The following PKIB variants were observed in gnomAD, a reference collection of about 807,000 sequenced individuals.
PKIB encodes PKI-beta.
PKIB carries 2 observed loss-of-function variants against 4.5 expected under a neutral mutation model. The ratio of observed to expected loss-of-function variants is 0.44; its 90% CI spans 0.18 to 1.39. The LOEUF (loss-of-function observed/expected upper bound fraction) is 1.39, where lower values mean the gene tolerates loss of function less well. Ranked by LOEUF, PKIB falls within the 40% of genes most tolerant of loss-of-function variation. The pLI is 0.27. For missense variants in PKIB, 94 were observed against 92.6 expected, an observed-to-expected ratio of 1.02 and a Z score of -0.06; for synonymous variants, 38 against 36.0, an observed-to-expected ratio of 1.06 and a Z score of -0.20.
chr6:122,720,397 G>C (rs868661559), intron 4 of PKIB, among the ~76,000 whole-genome samples: 33 of 152,152 alleles, frequency 2.2e-4, no homozygotes, highest in African/African-American at 7.7e-4. Context: ...GATGGAGAAA[G>C]ATCAGTGGAT....
chr6:122,563,295 A>G (rs1385064168), intron 2 of PKIB, among the ~76,000 whole-genome samples: 2 of 152,080 alleles, frequency 1.3e-5, no homozygotes, highest in African/African-American at 4.8e-5. Context: ...GGTTGTCTGC[A>G]CATAGTCCTG....
At chr6:122,694,598 A>G (rs186890011) in intron 3 of PKIB, among the ~76,000 whole-genome samples, 60 of 152,272 alleles carry the variant, frequency 3.9e-4, no homozygotes, top group South Asian at 2.5e-3. Context: ...TAAAGTGAAA[A>G]ATCTGGTTCT....
chr6:122,519,570 A>T (rs1776872108), intron 2 of PKIB, among the ~76,000 whole-genome samples: 1 of 152,190 alleles, frequency 6.6e-6, no homozygotes, highest in Admixed American at 6.5e-5. Flanking sequence ...TAATGAATTA[A>T]TAAAAATCTT....
intron 4 of PKIB, among the ~76,000 whole-genome samples, chr6:122,719,948 T>C (rs1031110778): frequency 6.6e-6 from 1 of 152,156 alleles, no homozygotes; most frequent in African/African-American, 2.4e-5. Context: ...GTAGATGACA[T>C]AGATAATATT....
chr6:122,701,631 C>A, intron 3 of PKIB: 1 of 1,043,332 alleles, frequency 9.6e-7, no homozygotes, highest in Non-Finnish European at 1.4e-6. Context: ...GTACCCTTGC[C>A]AAATAACTCA....
chr6:122,539,774 A>G (rs1199561718), intron 2 of PKIB, among the ~76,000 whole-genome samples: 1 of 151,866 alleles, frequency 6.6e-6, no homozygotes, highest in African/African-American at 2.4e-5. Context: ...TCCTCCTTGT[A>G]CCTCTGGTAG....
intron 2 of PKIB, among the ~76,000 whole-genome samples, chr6:122,509,378 G>T (rs532713292): frequency 1.3e-5 from 2 of 151,592 alleles, no homozygotes; most frequent in Admixed American, 6.6e-5. Context: ...CAATCTTATT[G>T]GGCTTAGTGC....
intron 2 of PKIB, among the ~76,000 whole-genome samples, chr6:122,511,568 G>C (rs1191043712): frequency 6.6e-6 from 1 of 152,104 alleles, no homozygotes; most frequent in Non-Finnish European, 1.5e-5. Flanking sequence ...CCACCCATAG[G>C]GTACCCGAAC....
chr6:122,546,909 A>G (rs550336604), intron 2 of PKIB, among the ~76,000 whole-genome samples: 3 of 152,198 alleles, frequency 2.0e-5, no homozygotes, highest in African/African-American at 7.2e-5. Context: ...TTCACACATA[A>G]CGTAATATAT....
At chr6:122,525,076 AT>A (rs1345929133) in intron 2 of PKIB, among the ~76,000 whole-genome samples, 2 of 150,764 alleles carry the variant, frequency 1.3e-5, no homozygotes, top group African/African-American at 4.9e-5. Context: ...TTTTAAATGT[AT>A]GCATTTACAG....
At chr6:122,716,611 C>T (rs1353778973) in intron 3 of PKIB, among the ~76,000 whole-genome samples, 1 of 126,390 alleles carries the variant, frequency 7.9e-6, no homozygotes, top group African/African-American at 3.0e-5. Flanking sequence ...ATTTGCATTT[C>T]TTGCATTCTA....
At chr6:122,627,379 G>A (rs1184040606) in intron 1 of PKIB, among the ~76,000 whole-genome samples, 1 of 151,988 alleles carries the variant, frequency 6.6e-6, no homozygotes, top group Non-Finnish European at 1.5e-5. Context: ...GAGTTCAAAT[G>A]TATCACTTCA....
chr6:122,544,399 G>A (rs982983407), intron 2 of PKIB, among the ~76,000 whole-genome samples: 3 of 151,286 alleles, frequency 2.0e-5, no homozygotes, highest in Non-Finnish European at 4.4e-5. Flanking sequence ...AAAAATTCTA[G>A]CTAAATTGTC....
At chr6:122,596,894 C>T (rs184406741) in intron 3 of PKIB, among the ~76,000 whole-genome samples, 97 of 152,284 alleles carry the variant, frequency 6.4e-4, no homozygotes, top group Admixed American at 1.6e-3. Context: ...GGCAGCCTTT[C>T]GGGTCACTTG....
At chr6:122,576,689 A>AAAAAAAAATAT (rs1345822382) in intron 2 of PKIB, among the ~76,000 whole-genome samples, 17 of 34,312 alleles carry the variant, frequency 5.0e-4, no homozygotes, top group East Asian at 1.1e-3. Context: ...AAAAAAAAAA[A>AAAAAAAAATAT]ATATATATAT....
chr6:122,524,556 G>A (rs1777042243), intron 2 of PKIB, among the ~76,000 whole-genome samples: 1 of 152,048 alleles, frequency 6.6e-6, no homozygotes, highest in Non-Finnish European at 1.5e-5. Flanking sequence ...AAGAATTGAT[G>A]TTACATCTTT....
intron 2 of PKIB, among the ~76,000 whole-genome samples, chr6:122,503,522 G>T (rs1303726315): frequency 1.3e-5 from 2 of 152,206 alleles, no homozygotes; most frequent in South Asian, 2.1e-4. Flanking sequence ...AGCTCTTCAG[G>T]ATTATCTCTT....
At chr6:122,591,650 A>C (rs957597282) in intron 3 of PKIB, among the ~76,000 whole-genome samples, 2 of 152,158 alleles carry the variant, frequency 1.3e-5, no homozygotes, top group African/African-American at 4.8e-5. Flanking sequence ...GTAGAAATGT[A>C]ACCCTTCAGA....
At chr6:122,660,537 G>A (rs1248209602) in intron 2 of PKIB, among the ~76,000 whole-genome samples, 1 of 152,112 alleles carries the variant, frequency 6.6e-6, no homozygotes, top group African/African-American at 2.4e-5. Flanking sequence ...AGAAGGCTTT[G>A]TATATGTTTA....
Sources: allele counts gnomAD v4.1 joint callset (sites outside exome capture counted in the v4.1 genomes callset), GRCh38; gene constraint gnomAD v4.1.1; transcripts MANE v1.5; gene names NCBI Gene and HGNC (gene_info 2026-07-23, HGNC 2026-07-21).